The following RHBDD1 variants were observed in gnomAD, a reference collection of about 807,000 sequenced individuals.
RHBDD1 encodes rhomboid domain containing 1.
Under a neutral mutation model 36.3 loss-of-function variants are expected in RHBDD1, and 38 were observed. That is an observed-to-expected ratio of 1.05 (90% CI 0.81 to 1.37). The LOEUF (loss-of-function observed/expected upper bound fraction) is 1.37. RHBDD1 is among the 40% of genes most tolerant of loss of function. The pLI is 0.00. For synonymous variants in RHBDD1, 151 were observed against 136.5 expected, an observed-to-expected ratio of 1.11 and a Z score of -0.74; for missense variants, 393 against 377.6, an observed-to-expected ratio of 1.04 and a Z score of -0.34.
chr2:226,950,046 C>T (rs894097597), intron 8 of RHBDD1, among the ~76,000 whole-genome samples: 2 of 152,154 alleles, frequency 1.3e-5, no homozygotes, highest in Non-Finnish European at 2.9e-5. Flanking sequence ...TACCTTACAT[C>T]CTTAGTTTTT....
chr2:226,905,217 G>T (rs1947951072), intron 5 of RHBDD1, among the ~76,000 whole-genome samples: 1 of 151,518 alleles, frequency 6.6e-6, no homozygotes, highest in African/African-American at 2.4e-5. Flanking sequence ...CACCATTGCT[G>T]CCCTCAGGGA....
intron 8 of RHBDD1, among the ~76,000 whole-genome samples, chr2:226,947,753 G>A (rs1183371008): frequency 2.2e-4 from 34 of 152,180 alleles, no homozygotes; most frequent in Admixed American, 3.3e-4. Flanking sequence ...AAAAGTGGGC[G>A]AAGGACATGA....
the RHBDD1 span, among the ~76,000 whole-genome samples, chr2:226,819,484 T>C: frequency 2.0e-5 from 3 of 152,220 alleles, no homozygotes; most frequent in African/African-American, 7.2e-5. Context: ...AAAATACTCA[T>C]CCTTGTGTAA....
At position 226,990,045 on chromosome 2, in the gene RHBDD1, T is replaced by A. The variant is rs187479776; in HGVS notation, c.857-5386T>A. Among the ~76,000 whole-genome samples the A allele has an allele frequency of 1.8e-3, 268 of 152,338 alleles. 6 individuals carry two copies. Among genetic ancestry groups the A allele is most frequent in the Admixed American group, 9.2e-4 (14 of 15,296 alleles). ...TTTCTCGTAAACCAAAACTGAAATTTCCATTTGTATGAAAGTTATACCATT... is the reference window on the plus strand; with the variant it reads ...TTTCTCGTAAACCAAAACTGAAATTACCATTTGTATGAAAGTTATACCATT... On this transcript the variant is annotated intron_variant, in intron 8 of 8. Transcript: ENST00000392062.
At chr2:226,971,880 T>C (rs1413127073) in intron 8 of RHBDD1, among the ~76,000 whole-genome samples, 1 of 151,566 alleles carries the variant, frequency 6.6e-6, no homozygotes, top group Non-Finnish European at 1.5e-5. Flanking sequence ...TTGAACATGA[T>C]AGAAAACTAG....
chr2:226,868,292 G>A (rs1293961234), intron 5 of RHBDD1, among the ~76,000 whole-genome samples: 8 of 152,234 alleles, frequency 5.3e-5, no homozygotes, highest in Non-Finnish European at 8.8e-5. Flanking sequence ...TTGGAAATTC[G>A]GAAGGTTAAG....
intron 5 of RHBDD1, among the ~76,000 whole-genome samples, chr2:226,893,774 G>T (rs189805466): frequency 1.6e-3 from 248 of 152,168 alleles, no homozygotes; most frequent in Middle Eastern, 6.8e-3. Context: ...CTGGCATTTG[G>T]GGTGCAGGGG....
At chr2:226,897,410 A>C (rs1457507182) in intron 5 of RHBDD1, among the ~76,000 whole-genome samples, 2 of 152,204 alleles carry the variant, frequency 1.3e-5, no homozygotes, top group Admixed American at 1.3e-4. Flanking sequence ...TTAGTGTAAT[A>C]GTCACTAAAT....
At chr2:226,839,919 A>G (rs1046391566) in intron 3 of RHBDD1, among the ~76,000 whole-genome samples, 3 of 152,188 alleles carry the variant, frequency 2.0e-5, no homozygotes, top group African/African-American at 7.2e-5. Flanking sequence ...GAGTCAAAGG[A>G]AGTGTATTAC....
intron 1 of RHBDD1, among the ~76,000 whole-genome samples, chr2:226,836,828 C>A (rs532970666): frequency 1.6e-4 from 25 of 152,236 alleles, no homozygotes; most frequent in Non-Finnish European, 3.4e-4. Flanking sequence ...AGTTGTGTGT[C>A]TTTTTGAGGT....
the RHBDD1 span, among the ~76,000 whole-genome samples, chr2:226,815,818 T>C: frequency 6.6e-6 from 1 of 152,380 alleles, no homozygotes; most frequent in South Asian, 2.1e-4. Context: ...ATTTTCCAGT[T>C]CTTCAAAGTA....
intron 5 of RHBDD1, among the ~76,000 whole-genome samples, chr2:226,905,847 G>T (rs1454669321): frequency 6.6e-6 from 1 of 152,096 alleles, no homozygotes; most frequent in African/African-American, 2.4e-5. Context: ...AGTGGGAGTG[G>T]CACCCCAGAA....
chr2:226,818,703 G>T, the RHBDD1 span, among the ~76,000 whole-genome samples: 1 of 151,748 alleles, frequency 6.6e-6, no homozygotes, highest in African/African-American at 2.4e-5. Context: ...GCCAGGCGTG[G>T]TGGCGGGCAC....
intron 5 of RHBDD1, among the ~76,000 whole-genome samples, chr2:226,892,058 C>T (rs1946734413): frequency 1.3e-5 from 2 of 152,182 alleles, no homozygotes; most frequent in South Asian, 2.1e-4. Context: ...CCATAGGGGT[C>T]ACCTGGCTTC....
At chr2:226,820,600 G>T in the RHBDD1 span, among the ~76,000 whole-genome samples, 1 of 135,962 alleles carries the variant, frequency 7.4e-6, no homozygotes, top group African/African-American at 2.8e-5. Flanking sequence ...TTGAGGCCAG[G>T]AGTTCAAGAC....
chr2:226,996,349 A>T lies in RHBDD1; in HGVS notation c.*827A>T, dbSNP rs1189509706. ...CGGTCACTAGAGATCTATCTTGCAG[A>T]AAGTATGTTTTTCCTCATAAAAGTG... On this transcript the variant is annotated 3_prime_UTR_variant, in exon 9 of 9. Transcript: ENST00000392062. The T allele has an allele frequency of 1.3e-5, 2 of 152,242 alleles. No homozygotes were observed. Among genetic ancestry groups the T allele is most frequent in the African/African-American group, 4.8e-5 (2 of 41,458 alleles). 9.4% of individuals were successfully genotyped at this position (152,242 alleles called of 1,614,324 possible). A position where few individuals can be genotyped will look rare whatever the true frequency, so the allele number is the denominator to read the frequency against.
chr2:226,829,325 C>T, the RHBDD1 span, among the ~76,000 whole-genome samples: 3 of 152,250 alleles, frequency 2.0e-5, no homozygotes, highest in African/African-American at 4.8e-5. Context: ...CTTTATTCTT[C>T]TTTTTCAAAA....
At chr2:226,942,755 A>G (rs1258130723) in intron 8 of RHBDD1, among the ~76,000 whole-genome samples, 1 of 152,112 alleles carries the variant, frequency 6.6e-6, no homozygotes, top group East Asian at 1.9e-4. Flanking sequence ...TGACATTTGA[A>G]TTAAGGATAT....
At chr2:226,987,945 C>A (rs1057200946) in intron 8 of RHBDD1, among the ~76,000 whole-genome samples, 9 of 152,124 alleles carry the variant, frequency 5.9e-5, no homozygotes, top group Non-Finnish European at 5.9e-5. Flanking sequence ...ACCACTGCAG[C>A]AAACTGGGCA....
Sources: allele counts gnomAD v4.1 joint callset (sites outside exome capture counted in the v4.1 genomes callset), GRCh38; gene constraint gnomAD v4.1.1; transcripts MANE v1.5; gene names NCBI Gene and HGNC (gene_info 2026-07-23, HGNC 2026-07-21).